RIT2: variants seen among roughly 807,000 people sequenced by gnomAD.
The protein encoded by RIT2 is Ras like without CAAX 2.
In RIT2, 24 loss-of-function variants were observed where a neutral mutation model predicts 23.7. The ratio of observed to expected loss-of-function variants is 1.01; its 90% CI spans 0.73 to 1.43. RIT2 has a LOEUF of 1.43. Ranked by LOEUF, RIT2 falls within the 40% of genes most tolerant of loss-of-function variation. RIT2 has a pLI of 0.00. For missense variants in RIT2, 236 were observed against 266.9 expected, an observed-to-expected ratio of 0.88 and a Z score of 0.81; for synonymous variants, 107 against 91.1, an observed-to-expected ratio of 1.17 and a Z score of -0.99.
chr18:42,964,693 A>G (rs1453810116), intron 3 of RIT2, among the ~76,000 whole-genome samples: 1 of 152,212 alleles, frequency 6.6e-6, no homozygotes, highest in East Asian at 1.9e-4. Flanking sequence ...CCTCAAAATC[A>G]TCTTCAGAGA....
intron 4 of RIT2, among the ~76,000 whole-genome samples, chr18:42,922,435 C>A (rs12970940): frequency 6.6e-6 from 1 of 151,928 alleles, no homozygotes; most frequent in African/African-American, 2.4e-5. Context: ...TTAAGGTCAA[C>A]GAAAAGAAAG....
chr18:42,945,020 C>A (rs548881042), intron 3 of RIT2, among the ~76,000 whole-genome samples: 1 of 152,042 alleles, frequency 6.6e-6, no homozygotes, highest in South Asian at 2.1e-4. Context: ...TTATTGCATA[C>A]TAAGAAAACT....
intron 4 of RIT2, among the ~76,000 whole-genome samples, chr18:42,836,726 C>T (rs796458329): frequency 1.3e-5 from 2 of 152,262 alleles, no homozygotes; most frequent in Admixed American, 6.5e-5. Context: ...CACTTTACTT[C>T]GAGATTACCA....
chr18:42,960,232 C>T (rs1382152936), intron 3 of RIT2, among the ~76,000 whole-genome samples: 2 of 152,172 alleles, frequency 1.3e-5, no homozygotes, highest in Non-Finnish European at 2.9e-5. Flanking sequence ...CGGTCAAAAC[C>T]TCTACAGAGC....
chr18:42,913,716 G>T (rs976840787), intron 4 of RIT2, among the ~76,000 whole-genome samples: 1 of 151,946 alleles, frequency 6.6e-6, no homozygotes, highest in Non-Finnish European at 1.5e-5. Context: ...GCAGGGAGGC[G>T]CTGGTAAGAT....
chr18:42,932,256 C>G (rs922283165), intron 3 of RIT2, among the ~76,000 whole-genome samples: 2 of 152,122 alleles, frequency 1.3e-5, no homozygotes, highest in Non-Finnish European at 2.9e-5. Flanking sequence ...TATACTTCAT[C>G]CTCCAGCTTA....
chr18:42,794,556 A>G (rs555495056), intron 4 of RIT2, among the ~76,000 whole-genome samples: 2 of 152,368 alleles, frequency 1.3e-5, no homozygotes, highest in Non-Finnish European at 2.9e-5. Flanking sequence ...ACATGAGCTT[A>G]CATTTTTTAA....
At chr18:43,021,910 A>G (rs944864082) in intron 2 of RIT2, among the ~76,000 whole-genome samples, 12 of 152,226 alleles carry the variant, frequency 7.9e-5, no homozygotes, top group African/African-American at 2.6e-4. Context: ...TTTCCAAAAA[A>G]ACTAAAAGTA....
At chr18:42,923,823 GT>G in intron 3 of RIT2, 60 bp from the exon 4 acceptor site, 1 of 1,262,002 alleles carries the variant, frequency 7.9e-7, no homozygotes. Flanking sequence ...TTAATATGAG[GT>G]TTAAATGTAA....
At chr18:42,792,629 A>G (rs2143948586) in intron 4 of RIT2, among the ~76,000 whole-genome samples, 1 of 152,304 alleles carries the variant, frequency 6.6e-6, no homozygotes, top group Non-Finnish European at 1.5e-5. Context: ...ACATTTTACA[A>G]ATGAGAACGA....
chr18:42,921,277 A>G (rs1909049939), intron 4 of RIT2, among the ~76,000 whole-genome samples: 1 of 152,198 alleles, frequency 6.6e-6, no homozygotes, highest in South Asian at 2.1e-4. Context: ...ACAGTGGTAC[A>G]CAAACATTTT....
At chr18:42,987,273 T>C (rs1268939383) in intron 2 of RIT2, among the ~76,000 whole-genome samples, 2 of 152,166 alleles carry the variant, frequency 1.3e-5, no homozygotes, top group South Asian at 2.1e-4. Flanking sequence ...GCAACTTGCA[T>C]AATGAAATAA....
At chr18:42,938,322 G>A (rs1909512899) in intron 3 of RIT2, among the ~76,000 whole-genome samples, 1 of 152,182 alleles carries the variant, frequency 6.6e-6, no homozygotes, top group Non-Finnish European at 1.5e-5. Flanking sequence ...TATCTGCAAT[G>A]AGACCGAACA....
intron 1 of RIT2, among the ~76,000 whole-genome samples, chr18:43,053,771 A>G (rs1313334128): frequency 1.3e-5 from 2 of 152,152 alleles, no homozygotes; most frequent in Non-Finnish European, 2.9e-5. Flanking sequence ...AATTATATTT[A>G]AATCATAGTA....
At chr18:43,067,627 G>A (rs1406626467) in intron 1 of RIT2, among the ~76,000 whole-genome samples, 1 of 152,142 alleles carries the variant, frequency 6.6e-6, no homozygotes, top group African/African-American at 2.4e-5. Flanking sequence ...GGAATATCTG[G>A]GTTATGAATG....
At chr18:42,769,045 T>G (rs1386372591) in intron 4 of RIT2, among the ~76,000 whole-genome samples, 1 of 152,202 alleles carries the variant, frequency 6.6e-6, no homozygotes, top group Non-Finnish European at 1.5e-5. Context: ...CTAAACAGGC[T>G]GATGTGATTC....
chr18:43,033,963 G>A, intron 1 of RIT2, 96 bp from the exon 2 acceptor site: 1 of 801,804 alleles, frequency 1.2e-6, no homozygotes, highest in Non-Finnish European at 2.0e-6. Context: ...AAAAGGTTAT[G>A]GTGAATAAGT....
intron 4 of RIT2, among the ~76,000 whole-genome samples, chr18:42,911,146 T>C (rs916500898): frequency 6.6e-6 from 1 of 152,054 alleles, no homozygotes; most frequent in Admixed American, 6.6e-5. Context: ...GGGAAATTTT[T>C]CAACATCTTG....
At chr18:42,979,503 C>A (rs1910547527) in intron 2 of RIT2, among the ~76,000 whole-genome samples, 2 of 151,976 alleles carry the variant, frequency 1.3e-5, no homozygotes, top group African/African-American at 4.8e-5. Flanking sequence ...TTTTTAAAGG[C>A]AATAAATAGT....
Sources: allele counts gnomAD v4.1 joint callset (sites outside exome capture counted in the v4.1 genomes callset), GRCh38; gene constraint gnomAD v4.1.1; transcripts MANE v1.5; gene names NCBI Gene and HGNC (gene_info 2026-07-23, HGNC 2026-07-21).